Variants in ATG4B observed in about 807,000 individuals in gnomAD.
ATG4B encodes cysteine protease ATG4B.
ATG4B carries 29 observed loss-of-function variants against 56.6 expected under a neutral mutation model. The ratio of observed to expected loss-of-function variants is 0.51; its 90% confidence interval spans 0.38 to 0.70. The LOEUF (loss-of-function observed/expected upper bound fraction) is 0.70, where lower values mean the gene tolerates loss of function less well. Ranked by LOEUF, ATG4B falls within the 30% of genes least tolerant of loss-of-function variation. The pLI is 0.00. For missense variants in ATG4B, 461 were observed against 515.5 expected, an observed-to-expected ratio of 0.89 and a Z score of 1.02; for synonymous variants, 224 against 206.1, an observed-to-expected ratio of 1.09 and a Z score of -0.74.
In ATG4B at chr2:241,673,524, C is replaced by T. The variant is rs934691874; in HGVS notation, c.*1260C>T. On this transcript the variant is annotated 3_prime_UTR_variant, in exon 13 of 13. Coordinates refer to ENST00000404914, the MANE Select transcript of ATG4B (RefSeq NM_013325.5). ...TCCCCGAGGACGCGCGCCGGACAGT[C>T]GGCACTGACCGGCCCACCTGGTAGC... 1.6e-5 allele frequency: 7 copies of T among 451,012 alleles called. No homozygotes were observed. The highest frequency in any genetic ancestry group is 8.0e-5 in the African/African-American group (4 of 49,936). 27.9% of individuals were successfully genotyped at this position (451,012 alleles called of 1,614,324 possible). A position where few individuals can be genotyped will look rare whatever the true frequency, so the allele number is the denominator to read the frequency against.
At chr2:241,670,665 C>G in intron 10 of ATG4B, 61 bp from the exon 11 acceptor site, 1 of 1,479,838 alleles carries the variant, frequency 6.8e-7, no homozygotes, top group Non-Finnish European at 9.3e-7. Context: ...ATGGAAGCCC[C>G]CACCTCTTAG....
intron 1 of ATG4B, 65 bp from the exon 2 acceptor site, chr2:241,650,945 C>T: frequency 7.5e-7 from 1 of 1,326,206 alleles, no homozygotes; most frequent in Non-Finnish European, 1.1e-6. Flanking sequence ...CTGTAAATGG[C>T]CTCTTTCGAT....
At chr2:241,647,528 G>A (rs1292490188) in intron 1 of ATG4B, among the ~76,000 whole-genome samples, 1 of 151,576 alleles carries the variant, frequency 6.6e-6, no homozygotes, top group Non-Finnish European at 1.5e-5. Flanking sequence ...GGCTGAGGCA[G>A]GAGAATGGCA....
rs1288689455 is a variant in ATG4B, at chr2:241,668,160, C to G, written c.750C>G (p.Pro250=). ...VETLKHCFMM[P]QSLGVIGGKP... is the part of the protein sequence containing the mutation. Reference sequence around the variant, plus strand: ...CTCCACAGCACTGCTTCATGATGCCCCAGTCCCTGGGCGTCATCGGAGGGA... The same window carrying G: ...CTCCACAGCACTGCTTCATGATGCCGCAGTCCCTGGGCGTCATCGGAGGGA... Residue 250 remains proline (P), a synonymous_variant, in exon 9 of 13, where the codon CCC becomes CCG. Coordinates refer to ENST00000404914, the MANE Select transcript of ATG4B (RefSeq NM_013325.5). The surrounding 1 kb of genome is among the most constrained non-coding windows in gnomAD (Gnocchi z 4.2). The G allele has an allele frequency of 1.2e-6, 2 of 1,604,370 alleles. No homozygotes were observed. Among genetic ancestry groups the G allele is most frequent in the East Asian group, 4.5e-5 (2 of 44,238 alleles).
At chr2:241,659,510 AT>A (rs2068525592) in intron 7 of ATG4B, 1 of 392,048 alleles carries the variant, frequency 2.6e-6, no homozygotes, top group Non-Finnish European at 5.1e-6. Flanking sequence ...TGGTGAAGTT[AT>A]TTTGCGTGCC....
At position 241,662,858 on chromosome 2, in the gene ATG4B, G is replaced by A. The variant is rs374451254; in HGVS notation, c.538+3671G>A. ...AAAACCAATAAAGTGGGCCGGGCGC[G>A]GTGGCTCACGCCTATAATCCCAACT... On this transcript the variant is annotated intron_variant, in intron 7 of 12. Transcript: ENST00000404914. Among the ~76,000 whole-genome samples, 27 of 151,610 alleles carry A rather than the reference G, an allele frequency of 1.8e-4. No individual in the cohort carries two copies. The East Asian group carries it at 3.5e-3, about 20-fold the overall frequency.
At position 241,673,294 on chromosome 2, in the gene ATG4B, A is replaced by G. The variant is rs2069042475; in HGVS notation, c.*1030A>G. ...CGATTCCAGCACCCACCACCGCCTGACCCTGTGTAACCTGCTGTCCCGGGT... is the reference window on the plus strand; with the variant it reads ...CGATTCCAGCACCCACCACCGCCTGGCCCTGTGTAACCTGCTGTCCCGGGT... On this transcript the variant is annotated 3_prime_UTR_variant, in exon 13 of 13. Coordinates refer to ENST00000404914, the MANE Select transcript of ATG4B (RefSeq NM_013325.5). The G allele has an allele frequency of 2.9e-6, 1 of 344,972 alleles. No individual in the cohort carries two copies. The highest frequency in any genetic ancestry group is 2.2e-5 in the South Asian group (1 of 45,652). 21.4% of individuals were successfully genotyped at this position (344,972 alleles called of 1,614,324 possible).
At chr2:241,664,877 T>C (rs1346979615) in intron 7 of ATG4B, among the ~76,000 whole-genome samples, 2 of 152,184 alleles carry the variant, frequency 1.3e-5, no homozygotes, top group Middle Eastern at 3.4e-3. Flanking sequence ...GGCAGGAGAA[T>C]TGCTTGAGCC....
chr2:241,672,118 C>A, intron 12 of ATG4B, 73 bp from the exon 13 acceptor site: 1 of 1,540,524 alleles, frequency 6.5e-7, no homozygotes, highest in South Asian at 1.2e-5. Flanking sequence ...GTCTGCCCCA[C>A]GCCAAGGGCC....
intron 7 of ATG4B, among the ~76,000 whole-genome samples, chr2:241,665,125 G>T (rs1223021289): frequency 6.6e-6 from 1 of 152,174 alleles, no homozygotes; most frequent in East Asian, 1.9e-4. Context: ...GTCTCTAAAA[G>T]AAATTTAAAA....
chr2:241,654,735 C>G, intron 5 of ATG4B, 88 bp downstream of exon 5: 1 of 1,066,652 alleles, frequency 9.4e-7, no homozygotes, highest in Admixed American at 2.1e-5. Flanking sequence ...TTTCTGGTGT[C>G]GTGGGATGTG....
chr2:241,668,853 C>A lies in ATG4B; in HGVS notation c.957+168C>A. 1 of 981,014 alleles carries A rather than the reference C, an allele frequency of 1.0e-6. No homozygotes were observed. Among genetic ancestry groups the A allele is most frequent in the Non-Finnish European group, 1.5e-6 (1 of 677,166 alleles). 60.8% of individuals were successfully genotyped at this position (981,014 alleles called of 1,614,324 possible). A position where few individuals can be genotyped will look rare whatever the true frequency, so the allele number is the denominator to read the frequency against. On this transcript the variant is annotated intron_variant, in intron 10 of 12. Coordinates refer to ENST00000404914, the MANE Select transcript of ATG4B (RefSeq NM_013325.5). The surrounding 1 kb of genome is among the most constrained non-coding windows in gnomAD (Gnocchi z 4.2). ...TATAAGAGCCGGAACTGTGTCCTTG[C>A]ACCCTCACGTCCCTCCCCCAGGCAC...
chr2:241,655,282 G>A lies in ATG4B; in HGVS notation c.397G>A (p.Val133Ile). The change falls in exon 6 of 13, where the codon GTT becomes ATT. Residue 133 changes from valine to isoleucine, a missense_variant. Coordinates refer to ENST00000404914, the MANE Select transcript of ATG4B (RefSeq NM_013325.5). ...YSIHQIAQMG[V>I]GEGKSIGQWY... ...TCTGTTCCCTGCAGCGCAAATGGGA[G>A]TTGGCGAAGGCAAGTCCATAGGCCA... The A allele has an allele frequency of 1.2e-6, 2 of 1,611,894 alleles. No individual in the cohort carries two copies. Among genetic ancestry groups the A allele is most frequent in the South Asian group, 1.1e-5 (1 of 90,494 alleles).
At chr2:241,641,295 A>G (rs1472546609) in intron 1 of ATG4B, among the ~76,000 whole-genome samples, 1 of 152,224 alleles carries the variant, frequency 6.6e-6, no homozygotes, top group Non-Finnish European at 1.5e-5. Flanking sequence ...TCACGCCTGT[A>G]ATCCCAGCAC....
At chr2:241,650,759 G>T (rs2068205348) in intron 1 of ATG4B, among the ~76,000 whole-genome samples, 2 of 151,960 alleles carry the variant, frequency 1.3e-5, no homozygotes, top group Non-Finnish European at 2.9e-5. Context: ...TCAGGAAGTA[G>T]CATGCTGGCC....
At chr2:241,660,105 G>A (rs938281779) in intron 7 of ATG4B, among the ~76,000 whole-genome samples, 3 of 152,154 alleles carry the variant, frequency 2.0e-5, no homozygotes, top group African/African-American at 4.8e-5. Context: ...CAGAAGAATC[G>A]CTTGAACCTG....
At chr2:241,658,914 G>T (rs1444407357) in intron 6 of ATG4B, among the ~76,000 whole-genome samples, 194 bp from the exon 7 acceptor site, 1 of 152,248 alleles carries the variant, frequency 6.6e-6, no homozygotes, top group Non-Finnish European at 1.5e-5. Flanking sequence ...TGGGCCTCAG[G>T]CGAGAAGAAG....
At chr2:241,645,180 G>C (rs1206144167) in intron 1 of ATG4B, among the ~76,000 whole-genome samples, 1 of 152,162 alleles carries the variant, frequency 6.6e-6, no homozygotes, top group Non-Finnish European at 1.5e-5. Context: ...GCATGAGAGG[G>C]ACAGTGTGGG....
At chr2:241,667,334 G>A (rs917741145) in intron 8 of ATG4B, among the ~76,000 whole-genome samples, 26 of 152,178 alleles carry the variant, frequency 1.7e-4, no homozygotes, top group East Asian at 5.8e-4. Context: ...GGCGGGGAGC[G>A]GTGGCTCATG....
Sources: allele counts gnomAD v4.1 joint callset (sites outside exome capture counted in the v4.1 genomes callset), GRCh38; gene constraint gnomAD v4.1.1; non-coding constraint Gnocchi (gnomAD v3.1); transcripts MANE v1.5; gene names NCBI Gene and HGNC (gene_info 2026-07-23, HGNC 2026-07-21).